Variants in BMP7 observed in about 807,000 individuals in gnomAD.
BMP7 encodes the protein osteogenic protein 1.
In BMP7, 12 loss-of-function variants were observed where a neutral mutation model predicts 41.2. The observed-to-expected ratio is 0.29, with a 90% CI of 0.19 to 0.47. The LOEUF (loss-of-function observed/expected upper bound fraction) is 0.47, where lower values mean the gene tolerates loss of function less well. Ranked by LOEUF, BMP7 falls within the 20% of genes least tolerant of loss-of-function variation. BMP7 has a pLI of 0.99. For missense variants in BMP7, 467 were observed against 606.0 expected (o/e 0.77, Z 2.41); for synonymous variants, 248 against 250.0 (o/e 0.99, Z 0.07).
rs62205691 is a variant in BMP7, at chr20:57,241,225, G to A, written c.419-12804C>T. ...CCAGTGACCTCTTAGCTGTGGCAAC[G>A]ATTCAATAAGGACAGCTCTGAGCTG... On this transcript the variant is annotated intron_variant, in intron 1 of 6. Transcript: ENST00000395863. Among the ~76,000 whole-genome samples the A allele has an allele frequency of 9.6e-3, 1,468 of 152,240 alleles. 13 individuals are homozygous for A. Among genetic ancestry groups the A allele is most frequent in the Non-Finnish European group, 0.016 (1,110 of 68,018 alleles).
At chr20:57,193,966 C>T (rs6025435) in intron 3 of BMP7, among the ~76,000 whole-genome samples, 6,105 of 152,258 alleles carry the variant, frequency 0.04, 260 homozygotes, top group African/African-American at 0.11. Context: ...GTGGCTGGTG[C>T]GGACCCCACA....
chr20:57,241,288 C>T (rs1192611025), intron 1 of BMP7, among the ~76,000 whole-genome samples: 1 of 152,192 alleles, frequency 6.6e-6, no homozygotes, highest in Non-Finnish European at 1.5e-5. Flanking sequence ...ATGCACTCGC[C>T]ACATAAATCT....
At chr20:57,245,126 G>C (rs187477693) in intron 1 of BMP7, among the ~76,000 whole-genome samples, 1 of 152,156 alleles carries the variant, frequency 6.6e-6, no homozygotes, top group Non-Finnish European at 1.5e-5. Flanking sequence ...GTGCAGAGAC[G>C]TACAAAAGCC....
chr20:57,180,822 C>T (rs757150384), intron 4 of BMP7, among the ~76,000 whole-genome samples: 11 of 152,154 alleles, frequency 7.2e-5, no homozygotes, highest in African/African-American at 2.2e-4. Flanking sequence ...CCAGGACACC[C>T]GCCAGGGGTC....
chr20:57,206,958 G>A (rs1327595963), intron 2 of BMP7, among the ~76,000 whole-genome samples: 1 of 152,210 alleles, frequency 6.6e-6, no homozygotes, highest in Non-Finnish European at 1.5e-5. Context: ...TCAGAAAAGT[G>A]TCCTATGTTC....
At chr20:57,190,514 C>T (rs955290014) in intron 3 of BMP7, among the ~76,000 whole-genome samples, 5 of 147,976 alleles carry the variant, frequency 3.4e-5, no homozygotes, top group African/African-American at 5.1e-5. Context: ...GGGGTGAAGC[C>T]GAGGTGGGTA....
At chr20:57,216,237 G>T (rs915865828) in intron 2 of BMP7, among the ~76,000 whole-genome samples, 3 of 152,248 alleles carry the variant, frequency 2.0e-5, no homozygotes, top group South Asian at 2.1e-4. Context: ...CCCCTTGCCA[G>T]GAAGCCCTCC....
intron 3 of BMP7, among the ~76,000 whole-genome samples, chr20:57,197,195 C>T (rs571796036): frequency 5.2e-4 from 79 of 151,932 alleles, no homozygotes; most frequent in Non-Finnish European, 9.3e-4. Context: ...CCACCGCACC[C>T]GGCCCTAATT....
At chr20:57,179,600 C>A (rs1277379609) in intron 4 of BMP7, among the ~76,000 whole-genome samples, 2 of 152,218 alleles carry the variant, frequency 1.3e-5, no homozygotes, top group Non-Finnish European at 2.9e-5. Flanking sequence ...GCCCCCGCCC[C>A]AGCACACACA....
At chr20:57,209,283 A>ATATATATG (rs1555814067) in intron 2 of BMP7, among the ~76,000 whole-genome samples, 1 of 132,714 alleles carries the variant, frequency 7.5e-6, no homozygotes, top group East Asian at 2.2e-4. Flanking sequence ...ATATATATAT[A>ATATATATG]TATGTATATA....
At chr20:57,175,381 C>T (rs878932172) in intron 4 of BMP7, among the ~76,000 whole-genome samples, 4 of 152,196 alleles carry the variant, frequency 2.6e-5, no homozygotes, top group South Asian at 2.1e-4. Flanking sequence ...CCACTGCAGG[C>T]ACCCTGCTCA....
chr20:57,184,244 A>T (rs1042269922), intron 3 of BMP7, among the ~76,000 whole-genome samples: 4 of 152,140 alleles, frequency 2.6e-5, no homozygotes, highest in South Asian at 2.1e-4. Context: ...CTCACATTCC[A>T]TTGGCCAAAG....
chr20:57,265,830 G>A lies in BMP7; in HGVS notation c.293C>T (p.Pro98Leu). The change falls in exon 1 of 7, where the codon CCC becomes CTC. Residue 98 changes from proline to leucine, a missense_variant. Transcript: ENST00000395863. ...GGGGTAGGAGAAGCCCTGGCCGCCG[G>A]GCCCGCCGCCCTCCTCCACCGCCAT... ...NAMAVEEGGG[P>L]GGQGFSYPYK... 6.2e-7 allele frequency: 1 copy of A among 1,606,736 alleles called. No homozygotes were observed. The highest frequency in any genetic ancestry group is 8.5e-7 in the Non-Finnish European group (1 of 1,177,082).
At chr20:57,209,249 TTATATATATATATATATA>T (rs57062226) in intron 2 of BMP7, among the ~76,000 whole-genome samples, 4,442 of 94,884 alleles carry the variant, frequency 0.047, 323 homozygotes, top group African/African-American at 0.14. Flanking sequence ...TTATATATTT[TTATATATATATATATATA>T]TATATATATA....
chr20:57,201,866 G>A (rs531766486), intron 3 of BMP7, among the ~76,000 whole-genome samples: 15 of 152,336 alleles, frequency 9.8e-5, no homozygotes, highest in Non-Finnish European at 1.8e-4. Context: ...TAGTGGGAAT[G>A]AGAAGTGTTG....
intron 2 of BMP7, among the ~76,000 whole-genome samples, chr20:57,227,428 C>T (rs182732951): frequency 8.2e-4 from 113 of 137,144 alleles, no homozygotes; most frequent in South Asian, 2.4e-3. Flanking sequence ...GCTTGGCAAA[C>T]GTAGCTGTGA....
chr20:57,256,463 TCCTTGCCAA>T, intron 1 of BMP7, among the ~76,000 whole-genome samples: 1 of 152,352 alleles, frequency 6.6e-6, no homozygotes, highest in East Asian at 1.9e-4. Context: ...TATCGTCATC[TCCTTGCCAA>T]CCTTGGGTCA....
chr20:57,212,396 G>A (rs974708040), intron 2 of BMP7, among the ~76,000 whole-genome samples: 3 of 152,194 alleles, frequency 2.0e-5, no homozygotes, highest in Non-Finnish European at 4.4e-5. Context: ...CTTGCTGAGC[G>A]CTGGGAAGCC....
chr20:57,245,860 G>C (rs567537487), intron 1 of BMP7, among the ~76,000 whole-genome samples: 1 of 151,158 alleles, frequency 6.6e-6, no homozygotes, highest in Non-Finnish European at 1.5e-5. Context: ...GGATGGTCTC[G>C]ATCTCCTGAC....
Sources: gnomAD v4.1 joint callset for allele counts (sites outside exome capture counted in the v4.1 genomes callset) on GRCh38, gnomAD v4.1.1 for gene constraint, MANE v1.5 for transcripts, NCBI Gene and HGNC (gene_info 2026-07-23, HGNC 2026-07-21) for gene names.